GNPDA2: variants seen among roughly 807,000 people sequenced by gnomAD.
GNPDA2 encodes glucosamine-6-phosphate deaminase 2, also known as glcN6P deaminase 2.
GNPDA2 carries 24 observed loss-of-function variants against 27.0 expected under a neutral mutation model. The observed-to-expected ratio is 0.89, with a 90% confidence interval of 0.64 to 1.25. The LOEUF is 1.25. Among genes scored for constraint, GNPDA2 ranks in the 50% most tolerant of loss-of-function variants. GNPDA2 has a pLI of 0.00. For missense variants in GNPDA2, 286 were observed against 335.1 expected (o/e 0.85, Z 1.14); for synonymous variants, 94 against 108.4 (o/e 0.87, Z 0.83).
At chr4:44,724,005 CT>C (rs1318256368) in intron 1 of GNPDA2, among the ~76,000 whole-genome samples, 1 of 152,174 alleles carries the variant, frequency 6.6e-6, no homozygotes, top group African/African-American at 2.4e-5. Context: ...ATCCAAGGCA[CT>C]TTCCCCTTCC....
intron 1 of GNPDA2, among the ~76,000 whole-genome samples, chr4:44,722,812 T>C (rs1333073770): frequency 6.6e-5 from 10 of 152,186 alleles, no homozygotes; most frequent in Non-Finnish European, 1.5e-4. Context: ...CAAGTGTACA[T>C]ATTTTAATCC....
In GNPDA2 at chr4:44,719,167, C is replaced by CT. The variant is rs532394281; in HGVS notation, c.125-758dup. 2.1e-3 allele frequency among the ~76,000 whole-genome samples: 318 copies of CT among 151,174 alleles called. 1 individual carries two copies. The highest frequency in any genetic ancestry group is 4.6e-3 in the Admixed American group (69 of 15,150). ...TCATCTTTGTTTTCTAAATTTGTTA[C>CT]TTTTTTTTTCATTTTAACTTCAAAC... On this transcript the variant is annotated intron_variant, in intron 2 of 6. Coordinates refer to ENST00000295448, the MANE Select transcript of GNPDA2 (RefSeq NM_138335.3).
intron 4 of GNPDA2, chr4:44,714,589 AC>A: frequency 1.0e-6 from 1 of 981,858 alleles, no homozygotes; most frequent in Non-Finnish European, 1.2e-6. Context: ...CTCTATTTCA[AC>A]TTTACCTTTA....
intron 5 of GNPDA2, 138 bp from the exon 6 acceptor site, chr4:44,708,064 G>A (rs969300395): frequency 3.9e-6 from 2 of 517,080 alleles, no homozygotes; most frequent in African/African-American, 1.9e-5. Flanking sequence ...ATAGTTCAAG[G>A]TATTCATTTC....
At chr4:44,707,273 T>C (rs1357145506) in intron 6 of GNPDA2, 3 of 156,758 alleles carry the variant, frequency 1.9e-5, no homozygotes, top group African/African-American at 4.8e-5. Context: ...ATTTAGACAT[T>C]ATAACTTTAA....
At chr4:44,705,190 G>A (rs1716514082) in intron 6 of GNPDA2, 2 of 982,164 alleles carry the variant, frequency 2.0e-6, no homozygotes, top group South Asian at 9.4e-5. Flanking sequence ...AGTTATGGAT[G>A]ACAATTATAG....
chr4:44,703,679 A>T, intron 6 of GNPDA2: 2 of 984,066 alleles, frequency 2.0e-6, no homozygotes, highest in South Asian at 9.4e-5. Flanking sequence ...GACAGAAAAC[A>T]ACCTGTATTA....
intron 2 of GNPDA2, among the ~76,000 whole-genome samples, chr4:44,719,617 TC>T (rs1298722193): frequency 2.6e-5 from 4 of 152,100 alleles, no homozygotes; most frequent in African/African-American, 9.7e-5. Flanking sequence ...AAATATGCTT[TC>T]CCTCTTCCTT....
At chr4:44,703,266 CAA>C in intron 6 of GNPDA2, 124 bp from the exon 7 acceptor site, 1 of 1,417,702 alleles carries the variant, frequency 7.1e-7, no homozygotes, top group Non-Finnish European at 9.2e-7. Context: ...TTGATATAGT[CAA>C]GTTTATTGAA....
At position 44,707,905 on chromosome 4, in the gene GNPDA2, C is replaced by G. The variant is rs773667818; in HGVS notation, c.616G>C (p.Ala206Pro). The change falls in exon 6 of 7, where the codon GCA (alanine) becomes CCA (proline). Residue 206 changes from alanine (A) to proline (P), a missense_variant. Coordinates refer to ENST00000295448, the MANE Select transcript of GNPDA2 (RefSeq NM_138335.3). ...TTGTACAGGGCAAATGCCTTGTGTG[C>G]CCCTGTTATAAGGATCATTACCTGA... ...AREVMILITG[A>P]HKAFALYKAI... 6.2e-7 allele frequency: 1 copy of G among 1,602,042 alleles called. No individual in the cohort carries two copies. Among genetic ancestry groups the G allele is most frequent in the Non-Finnish European group, 8.5e-7 (1 of 1,172,896 alleles).
At chr4:44,724,879 C>T (rs893322696) in intron 1 of GNPDA2, among the ~76,000 whole-genome samples, 4 of 152,150 alleles carry the variant, frequency 2.6e-5, no homozygotes, top group African/African-American at 9.7e-5. Context: ...AACAACTGGA[C>T]TCAGCCTCCA....
chr4:44,706,553 T>C (rs768432296), intron 6 of GNPDA2: 3 of 151,902 alleles, frequency 2.0e-5, no homozygotes, highest in Admixed American at 6.6e-5. Context: ...ACATGAAATA[T>C]GAGTTGGTTT....
chr4:44,708,643 G>A (rs1010193940), intron 5 of GNPDA2, among the ~76,000 whole-genome samples: 2 of 151,708 alleles, frequency 1.3e-5, no homozygotes, highest in South Asian at 2.1e-4. Context: ...TGTATGTGTC[G>A]GAATCTTTTC....
At chr4:44,725,539 T>C (rs1717956890) in intron 1 of GNPDA2, among the ~76,000 whole-genome samples, 1 of 152,202 alleles carries the variant, frequency 6.6e-6, no homozygotes, top group Non-Finnish European at 1.5e-5. Flanking sequence ...CACATCTCAC[T>C]GAAACGAAGT....
At chr4:44,703,294 A>C in intron 6 of GNPDA2, 152 bp from the exon 7 acceptor site, 2 of 1,391,868 alleles carry the variant, frequency 1.4e-6, no homozygotes, top group Non-Finnish European at 1.9e-6. Flanking sequence ...ACAAATAGAA[A>C]TGTTTCAGAA....
Position 44,702,862 on chromosome 4 carries a change from A to G in GNPDA2, c.*219T>C. ...TGGCTATGTGACTTCAGTACTTTAT[A>G]ATAAATAGCCAGTCAATCTTGAGAG... is the stretch of plus-strand genomic sequence containing the variant. On this transcript the variant is annotated 3_prime_UTR_variant, in exon 7 of 7. Coordinates refer to ENST00000295448, the MANE Select transcript of GNPDA2 (RefSeq NM_138335.3). The G allele has an allele frequency of 1.4e-6, 2 of 1,382,220 alleles. No individual in the cohort carries two copies. The highest frequency in any genetic ancestry group is 3.3e-5 in the South Asian group (2 of 59,758). 85.6% of individuals were successfully genotyped at this position (1,382,220 alleles called of 1,614,324 possible).
chr4:44,724,724 G>A (rs886428208), intron 1 of GNPDA2, among the ~76,000 whole-genome samples: 2 of 152,048 alleles, frequency 1.3e-5, no homozygotes, highest in East Asian at 3.9e-4. Context: ...TAAATGTATG[G>A]AATCTAAATG....
intron 6 of GNPDA2, chr4:44,704,142 TTG>T: frequency 5.1e-6 from 5 of 985,098 alleles, no homozygotes; most frequent in Non-Finnish European, 6.0e-6. Context: ...TGGGAAGTGT[TTG>T]TGTAGTAGGA....
At chr4:44,716,173 G>T (rs766586879) in intron 4 of GNPDA2, among the ~76,000 whole-genome samples, 1 of 151,898 alleles carries the variant, frequency 6.6e-6, no homozygotes, top group African/African-American at 2.4e-5. Flanking sequence ...ACAATTTTAC[G>T]TCTGACTTTA....
Sources: gnomAD v4.1 joint callset for allele counts (sites outside exome capture counted in the v4.1 genomes callset) on GRCh38, gnomAD v4.1.1 for gene constraint, MANE v1.5 for transcripts, NCBI Gene and HGNC (gene_info 2026-07-23, HGNC 2026-07-21) for gene names.